Variants in SFMBT2 observed in about 807,000 individuals in gnomAD.
SFMBT2 encodes the protein scm-like with four MBT domains protein 2.
SFMBT2 carries 38 observed loss-of-function variants against 110.1 expected under a neutral mutation model. That is an observed-to-expected ratio of 0.35 (90% CI 0.27 to 0.45). SFMBT2 has a LOEUF of 0.45. SFMBT2 is among the 20% of genes least tolerant of loss of function. The pLI, the probability that SFMBT2 is intolerant of heterozygous loss-of-function variation, is 1.00. For synonymous variants in SFMBT2, 425 were observed against 425.4 expected, an observed-to-expected ratio of 1.00 and a Z score of 0.01; for missense variants, 1,011 against 1,094.9, an observed-to-expected ratio of 0.92 and a Z score of 1.08.
intron 9 of SFMBT2, among the ~76,000 whole-genome samples, chr10:7,238,183 A>C (rs1200718793): frequency 1.3e-5 from 2 of 152,162 alleles, no homozygotes; most frequent in Non-Finnish European, 1.5e-5. Flanking sequence ...CCCTGAGTTA[A>C]ACAAGGGGCT....
intron 17 of SFMBT2, among the ~76,000 whole-genome samples, chr10:7,173,030 T>G (rs894037189): frequency 6.6e-6 from 1 of 152,106 alleles, no homozygotes; most frequent in Non-Finnish European, 1.5e-5. Flanking sequence ...AGAGGCCCCA[T>G]GAGGACACAG....
At chr10:7,244,186 C>CGGGG (rs935554633) in intron 8 of SFMBT2, 14 of 247,728 alleles carry the variant, frequency 5.7e-5, no homozygotes, top group African/African-American at 3.2e-4. Flanking sequence ...CAGAACACCC[C>CGGGG]ACCCTCCAGC....
intron 4 of SFMBT2, among the ~76,000 whole-genome samples, chr10:7,339,867 G>A (rs900662753): frequency 2.0e-5 from 3 of 152,174 alleles, no homozygotes; most frequent in Non-Finnish European, 4.4e-5. Flanking sequence ...TGCCTAGACC[G>A]GTGGCCAGAG....
chr10:7,182,228 G>C (rs955780978), intron 16 of SFMBT2, among the ~76,000 whole-genome samples: 1 of 152,126 alleles, frequency 6.6e-6, no homozygotes, highest in African/African-American at 2.4e-5. Flanking sequence ...AGTAGAGATG[G>C]TGTTTCACCA....
chr10:7,377,685 C>T (rs1219020528), intron 2 of SFMBT2, among the ~76,000 whole-genome samples: 10 of 152,176 alleles, frequency 6.6e-5, no homozygotes, highest in Middle Eastern at 3.4e-3. Context: ...AATCTAATGC[C>T]GCTGCTGATC....
rs543660836 is a variant in SFMBT2 at position 7,204,649 on chromosome 10, G to A, written c.1444+1166C>T. ...AGCACTTTGGGAGGCCAAGGCAGGCGGATCACTTGAGGTCAGAAGTTCGAG... is the reference window on the plus strand; with the variant it reads ...AGCACTTTGGGAGGCCAAGGCAGGCAGATCACTTGAGGTCAGAAGTTCGAG... On this transcript the variant is annotated intron_variant, in intron 12 of 20. Transcript: ENST00000397167. The A allele has an allele frequency of 1.1e-4, 35 of 308,540 alleles. No individual in the cohort carries two copies. The South Asian group carries it at 3.0e-3, about 26-fold the overall frequency. The allele number at this position is 308,540 out of a possible 1,614,324, so 19.1% of individuals were successfully genotyped here.
At position 7,163,474 on chromosome 10, in the gene SFMBT2, G is replaced by A. The variant is rs1837604836; in HGVS notation, c.*296C>T. The stretch of plus-strand genomic sequence containing the variant: ...GAGGAAACCCTGCTCCAAGGGAGCT[G>A]CCTGATTTGGGGCAGGAGAAAGGCA... On this transcript the variant is annotated 3_prime_UTR_variant, in exon 21 of 21. Coordinates refer to ENST00000397167, the MANE Select transcript of SFMBT2 (RefSeq NM_001387889.1). This position sits in a 1 kb window ranked among gnomAD's most constrained non-coding sequence, Gnocchi z 4.8. 2.9e-6 allele frequency: 1 copy of A among 341,804 alleles called. No individual in the cohort carries two copies. The highest frequency in any genetic ancestry group is 5.4e-6 in the Non-Finnish European group (1 of 185,568). The allele number at this position is 341,804 out of a possible 1,614,324, so 21.2% of individuals were successfully genotyped here. A position where few individuals can be genotyped will look rare whatever the true frequency, so the allele number is the denominator to read the frequency against.
In SFMBT2 at chr10:7,315,024, GAGAAAGAAAGAAAGAGAAAGAA is replaced by G. The variant is rs1442024919; in HGVS notation, c.437-29092_437-29071del. Among the ~76,000 whole-genome samples the G allele has an allele frequency of 3.4e-5, 4 of 117,454 alleles. No individual in the cohort carries two copies. In the South Asian group the frequency reaches 1.1e-3, roughly 31 times the overall value. 77.1% of individuals were successfully genotyped at this position (117,454 alleles called of 152,430 possible). On this transcript the variant is annotated intron_variant, in intron 4 of 20. Coordinates refer to ENST00000397167, the MANE Select transcript of SFMBT2 (RefSeq NM_001387889.1). ...AAAAGAAAGAAAGAAAGAAAAGAGA[GAGAAAGAAAGAAAGAGAAAGAA>G]AGAAAGAAAGAAAGAAAGAAAGAAA...
At position 7,214,142 on chromosome 10, in the gene SFMBT2, G is replaced by A. The variant is rs144809857; in HGVS notation, c.1330+6269C>T. Among the ~76,000 whole-genome samples the A allele has an allele frequency of 3.9e-4, 60 of 152,194 alleles. No homozygotes were observed. The East Asian group carries it at 9.1e-3, about 23-fold the overall frequency. ...AAACGTACTAAAAAGAAAACATCAC[G>A]AGTAAAAAGCAAGAAACAACCAACC... On this transcript the variant is annotated intron_variant, in intron 11 of 20. Coordinates refer to ENST00000397167, the MANE Select transcript of SFMBT2 (RefSeq NM_001387889.1).
intron 1 of SFMBT2, among the ~76,000 whole-genome samples, chr10:7,400,564 C>G (rs1846050222): frequency 6.6e-6 from 1 of 152,212 alleles, no homozygotes; most frequent in Non-Finnish European, 1.5e-5. Context: ...ATCTCCTCAC[C>G]TAAAGGCAGG....
chr10:7,169,988 G>A (rs984569062), intron 20 of SFMBT2, among the ~76,000 whole-genome samples: 18 of 152,306 alleles, frequency 1.2e-4, no homozygotes, highest in Admixed American at 3.3e-4. Context: ...AAACAATGAC[G>A]AAAGCAGCAT....
chr10:7,305,823 G>C (rs918745665), intron 4 of SFMBT2, among the ~76,000 whole-genome samples: 5 of 152,248 alleles, frequency 3.3e-5, no homozygotes, highest in South Asian at 2.1e-4. Flanking sequence ...TGTGACTCCA[G>C]TGAAATCACT....
At chr10:7,369,961 G>A (rs1197469546) in intron 3 of SFMBT2, among the ~76,000 whole-genome samples, 2 of 152,254 alleles carry the variant, frequency 1.3e-5, no homozygotes, top group East Asian at 3.9e-4. Context: ...CTGGGCTCAA[G>A]TGACCCTCCC....
In SFMBT2 at chr10:7,292,101, C is replaced by T. The variant is rs1365437022; in HGVS notation, c.437-6147G>A. 3.2e-5 allele frequency: 5 copies of T among 154,360 alleles called. No individual in the cohort carries two copies. The East Asian group carries it at 9.6e-4, about 30-fold the overall frequency. The allele number at this position is 154,360 out of a possible 1,614,324, so 9.6% of individuals were successfully genotyped here. ...GTTGATATATGTACTTTTTATTTTT[C>T]CCTACCATTTTAATGGGGTCTCTGG... On this transcript the variant is annotated intron_variant, in intron 4 of 20. Transcript: ENST00000397167.
At chr10:7,204,866 T>G (rs1394695743) in intron 12 of SFMBT2, 6 of 898,040 alleles carry the variant, frequency 6.7e-6, no homozygotes, top group Non-Finnish European at 8.0e-6. Context: ...AGAGCGAAAC[T>G]CCATCTTTAA....
At chr10:7,198,542 T>C (rs565188012) in intron 14 of SFMBT2, among the ~76,000 whole-genome samples, 2 of 152,342 alleles carry the variant, frequency 1.3e-5, no homozygotes, top group Admixed American at 1.3e-4. Flanking sequence ...GAAGGGCTCC[T>C]GTAGTCCTAC....
Position 7,293,340 on chromosome 10 carries a change from C to G in SFMBT2, c.437-7386G>C, listed in dbSNP as rs1842316046. Among the ~76,000 whole-genome samples the G allele has an allele frequency of 6.6e-6, 1 of 152,142 alleles. No individual in the cohort carries two copies. The highest frequency in any genetic ancestry group is 2.4e-5 in the African/African-American group (1 of 41,432). The stretch of plus-strand genomic sequence containing the variant: ...TCTTGAACTCCTGACTTCAGGTGAT[C>G]TGCCTGCCTCGGCCTCCCAAAGTGC... On this transcript the variant is annotated intron_variant, in intron 4 of 20. Coordinates refer to ENST00000397167, the MANE Select transcript of SFMBT2 (RefSeq NM_001387889.1). The surrounding 1 kb of genome is among the most constrained non-coding windows in gnomAD (Gnocchi z 4.6).
intron 15 of SFMBT2, among the ~76,000 whole-genome samples, chr10:7,192,472 G>A (rs930282104): frequency 6.6e-6 from 1 of 152,182 alleles, no homozygotes; most frequent in Non-Finnish European, 1.5e-5. Flanking sequence ...TCAGGATTCC[G>A]ACCAGAAAGC....
chr10:7,209,309 T>C (rs903766596), intron 11 of SFMBT2, among the ~76,000 whole-genome samples: 51 of 152,246 alleles, frequency 3.3e-4, no homozygotes. Context: ...CCTGACACAT[T>C]GCTTCTCGGC....
Sources: gnomAD v4.1 joint callset for allele counts (sites outside exome capture counted in the v4.1 genomes callset) on GRCh38, gnomAD v4.1.1 for gene constraint, Gnocchi (gnomAD v3.1) non-coding constraint, MANE v1.5 for transcripts, NCBI Gene and HGNC (gene_info 2026-07-23, HGNC 2026-07-21) for gene names.